Variants in COL24A1 observed in about 807,000 individuals in gnomAD.
COL24A1 encodes collagen alpha-1(XXIV) chain.
A neutral mutation model predicts 253.9 loss-of-function variants in COL24A1; 224 were observed. The observed-to-expected ratio is 0.88, with a 90% confidence interval of 0.79 to 0.99. The LOEUF is 0.99. Among genes scored for constraint, COL24A1 ranks in the 50% least tolerant of loss-of-function variants. The pLI is 0.00. For missense variants in COL24A1, 2,131 were observed against 2,068.5 expected, an observed-to-expected ratio of 1.03 and a Z score of -0.59; for synonymous variants, 685 against 673.7, an observed-to-expected ratio of 1.02 and a Z score of -0.26.
intron 7 of COL24A1, among the ~76,000 whole-genome samples, chr1:86,086,922 AG>A (rs1392099342): frequency 6.6e-6 from 1 of 152,202 alleles, no homozygotes; most frequent in Admixed American, 6.5e-5. Context: ...CACTCTGAAA[AG>A]GGGGAAAATA....
At chr1:86,127,364 T>G (rs1323858932) in intron 2 of COL24A1, among the ~76,000 whole-genome samples, 1 of 152,104 alleles carries the variant, frequency 6.6e-6, no homozygotes, top group Non-Finnish European at 1.5e-5. Context: ...TTTACCCAAT[T>G]AAAAGCTTCT....
intron 53 of COL24A1, among the ~76,000 whole-genome samples, chr1:85,773,219 A>G (rs541963453): frequency 2.0e-5 from 3 of 152,142 alleles, no homozygotes; most frequent in Non-Finnish European, 4.4e-5. Context: ...GTTCTGTTCC[A>G]TTGGTCTATA....
chr1:86,064,648 C>A (rs1199098396), intron 7 of COL24A1, among the ~76,000 whole-genome samples: 1 of 152,036 alleles, frequency 6.6e-6, no homozygotes, highest in Non-Finnish European at 1.5e-5. Flanking sequence ...TCAAAAATTT[C>A]CAATTAATAT....
At chr1:86,119,562 C>A (rs1034122485) in intron 3 of COL24A1, among the ~76,000 whole-genome samples, 1 of 152,068 alleles carries the variant, frequency 6.6e-6, no homozygotes, top group Non-Finnish European at 1.5e-5. Flanking sequence ...GCCTGTGATA[C>A]AAAGGGTTTC....
chr1:85,795,398 TA>T (rs1670700242), intron 47 of COL24A1, among the ~76,000 whole-genome samples: 1 of 152,180 alleles, frequency 6.6e-6, no homozygotes, highest in East Asian at 1.9e-4. Flanking sequence ...ATATTCTCAT[TA>T]GGATTGAAAC....
In COL24A1 at chr1:86,048,061, A is replaced by G. The variant is rs11161723; in HGVS notation, c.1906-1192T>C. Among the ~76,000 whole-genome samples the G allele has an allele frequency of 4.6e-3, 698 of 152,328 alleles. 6 individuals are homozygous for G. The highest frequency in any genetic ancestry group is 0.016 in the African/African-American group (667 of 41,572). ...ATTAAGACTTTATGTATATTTACAT[A>G]ATACAAACAATCTTTTTTAAAAAAA... On this transcript the variant is annotated intron_variant, in intron 11 of 59. Transcript: ENST00000370571.
chr1:86,061,834 G>C (rs1701114078), intron 8 of COL24A1, among the ~76,000 whole-genome samples: 1 of 151,966 alleles, frequency 6.6e-6, no homozygotes, highest in Admixed American at 6.6e-5. Flanking sequence ...TGGAGTAATA[G>C]AGATACAGTT....
At chr1:85,850,088 A>T (rs1405068015) in intron 37 of COL24A1, among the ~76,000 whole-genome samples, 1 of 152,178 alleles carries the variant, frequency 6.6e-6, no homozygotes, top group Non-Finnish European at 1.5e-5. Flanking sequence ...TTTTCATTTC[A>T]ATTTGTCCTT....
intron 14 of COL24A1, among the ~76,000 whole-genome samples, chr1:86,024,630 T>C (rs371400194): frequency 1.3e-5 from 2 of 152,322 alleles, no homozygotes; most frequent in African/African-American, 4.8e-5. Context: ...TCCAACTTAA[T>C]AGATATGCAA....
chr1:85,754,464 C>A (rs1175090520), intron 55 of COL24A1, among the ~76,000 whole-genome samples: 2 of 96,998 alleles, frequency 2.1e-5, no homozygotes, highest in African/African-American at 4.1e-5. Context: ...GTGCAGCGCA[C>A]CAGCATGGCA....
At chr1:85,938,103 A>G (rs1308508880) in intron 24 of COL24A1, among the ~76,000 whole-genome samples, 3 of 147,638 alleles carry the variant, frequency 2.0e-5, no homozygotes, top group African/African-American at 7.5e-5. Context: ...GTGATGCTTT[A>G]TGAGGATGAG....
intron 12 of COL24A1, among the ~76,000 whole-genome samples, chr1:86,045,499 T>G (rs1303079371): frequency 6.6e-6 from 1 of 151,998 alleles, no homozygotes; most frequent in Non-Finnish European, 1.5e-5. Flanking sequence ...GATTAGAAAT[T>G]GGATACCCAA....
intron 43 of COL24A1, among the ~76,000 whole-genome samples, chr1:85,835,362 C>T (rs1034336280): frequency 1.3e-5 from 2 of 152,140 alleles, no homozygotes; most frequent in Admixed American, 6.5e-5. Flanking sequence ...GATCTCCTGA[C>T]CTCGTGATCT....
chr1:86,054,012 C>T (rs755648838), intron 10 of COL24A1, among the ~76,000 whole-genome samples: 23 of 152,104 alleles, frequency 1.5e-4, no homozygotes, highest in Non-Finnish European at 3.1e-4. Context: ...CACTGATCTT[C>T]GACAAAGTCG....
chr1:86,003,324 T>G (rs1438022421), intron 19 of COL24A1, among the ~76,000 whole-genome samples: 1 of 152,168 alleles, frequency 6.6e-6, no homozygotes, highest in Non-Finnish European at 1.5e-5. Flanking sequence ...CTAGCAGCAA[T>G]CCATTATACT....
chr1:86,098,933 G>T (rs2102029256), intron 5 of COL24A1, among the ~76,000 whole-genome samples: 1 of 152,130 alleles, frequency 6.6e-6, no homozygotes, highest in Non-Finnish European at 1.5e-5. Flanking sequence ...TCTGACCTGA[G>T]GTTAACACTA....
chr1:85,792,611 G>A (rs555900448), intron 47 of COL24A1, among the ~76,000 whole-genome samples: 1 of 151,808 alleles, frequency 6.6e-6, no homozygotes, highest in South Asian at 2.1e-4. Context: ...GGGAAGCTGA[G>A]GTGAGAGAAT....
intron 14 of COL24A1, among the ~76,000 whole-genome samples, chr1:86,031,358 G>C (rs1408072459): frequency 6.6e-6 from 1 of 151,986 alleles, no homozygotes; most frequent in Non-Finnish European, 1.5e-5. Context: ...TTTAACAACA[G>C]TTGATCACAG....
Position 85,961,283 on chromosome 1 carries a change from C to T in COL24A1, c.2528G>A (p.Gly843Glu). The T allele has an allele frequency of 6.2e-7, 1 of 1,603,492 alleles. No individual in the cohort carries two copies. Among genetic ancestry groups the T allele is most frequent in the South Asian group, 1.1e-5 (1 of 90,332 alleles). ...AATTTTTCCAATATTTCCTTGATCT[C>T]CTACTTCTCCCTGTCAAAAAAGAAT... is the stretch of plus-strand genomic sequence containing the variant. ...PGPEGLKGEV[G>E]DQGNIGKIGE... is the part of the protein sequence containing the mutation. Residue 843 changes from glycine to glutamate, a missense_variant, in exon 24 of 60, where the codon GGA becomes GAA. By Grantham distance (98) the Gly-to-Glu change is moderately conservative. Coordinates refer to ENST00000370571, the MANE Select transcript of COL24A1 (RefSeq NM_152890.7).
Sources: gnomAD v4.1 joint callset for allele counts (sites outside exome capture counted in the v4.1 genomes callset) on GRCh38, gnomAD v4.1.1 for gene constraint, MANE v1.5 for transcripts, NCBI Gene and HGNC (gene_info 2026-07-23, HGNC 2026-07-21) for gene names.